Variants in KCNAB1 observed in about 807,000 individuals in gnomAD.
The protein encoded by KCNAB1 is potassium voltage-gated channel subfamily A regulatory beta subunit 1.
KCNAB1 carries 35 observed loss-of-function variants against 64.6 expected under a neutral mutation model. The ratio of observed to expected loss-of-function variants is 0.54; its 90% confidence interval spans 0.41 to 0.72. The LOEUF is 0.72. Ranked by LOEUF, KCNAB1 falls within the 30% of genes least tolerant of loss-of-function variation. The pLI is 0.00. For synonymous variants in KCNAB1, 177 were observed against 183.8 expected (o/e 0.96, Z 0.30); for missense variants, 401 against 512.9 (o/e 0.78, Z 2.11).
At chr3:156,288,547 C>G (rs973441109) in intron 1 of KCNAB1, among the ~76,000 whole-genome samples, 1 of 152,180 alleles carries the variant, frequency 6.6e-6, no homozygotes, top group African/African-American at 2.4e-5. Context: ...CAAGTGTTAT[C>G]TAATTTCTGG....
At chr3:156,165,657 A>G (rs1245906924) in intron 1 of KCNAB1, among the ~76,000 whole-genome samples, 3 of 152,222 alleles carry the variant, frequency 2.0e-5, no homozygotes, top group African/African-American at 4.8e-5. Context: ...GATCTTTTAT[A>G]TTACATTTGC....
intron 1 of KCNAB1, among the ~76,000 whole-genome samples, chr3:156,321,723 C>T (rs1722674936): frequency 6.6e-6 from 1 of 151,866 alleles, no homozygotes; most frequent in African/African-American, 2.4e-5. Flanking sequence ...TTTTGGGTCT[C>T]ACTCTATTTG....
At chr3:156,328,938 A>G (rs1723156794) in intron 1 of KCNAB1, among the ~76,000 whole-genome samples, 2 of 152,150 alleles carry the variant, frequency 1.3e-5, no homozygotes, top group South Asian at 2.1e-4. Context: ...AACTTATTAT[A>G]GTATATCTAG....
At chr3:156,518,445 C>T (rs550915835) in intron 11 of KCNAB1, among the ~76,000 whole-genome samples, 7 of 131,034 alleles carry the variant, frequency 5.3e-5, no homozygotes, top group African/African-American at 2.6e-4. Context: ...AATGAGGATG[C>T]CATGAAAGAG....
intron 7 of KCNAB1, among the ~76,000 whole-genome samples, 165 bp downstream of exon 7, chr3:156,465,851 T>C (rs530641415): frequency 6.6e-6 from 1 of 152,248 alleles, no homozygotes; most frequent in East Asian, 1.9e-4. Flanking sequence ...AATGCAGAGA[T>C]GTAGAGGGGA....
chr3:156,504,115 G>A (rs1351848140), intron 8 of KCNAB1, among the ~76,000 whole-genome samples: 1 of 152,076 alleles, frequency 6.6e-6, no homozygotes, highest in African/African-American at 2.4e-5. Flanking sequence ...CTGCTTCTAT[G>A]AGATCAACTG....
intron 1 of KCNAB1, among the ~76,000 whole-genome samples, chr3:156,297,547 C>T (rs1301767942): frequency 6.6e-6 from 1 of 152,096 alleles, no homozygotes; most frequent in Non-Finnish European, 1.5e-5. Flanking sequence ...ATGGCACTCT[C>T]TACTTTCCTA....
chr3:156,368,356 C>T (rs1038019261), intron 1 of KCNAB1, among the ~76,000 whole-genome samples: 3 of 152,136 alleles, frequency 2.0e-5, no homozygotes, highest in African/African-American at 4.8e-5. Flanking sequence ...ACCTGGTGAT[C>T]CGTTCAAAGG....
intron 1 of KCNAB1, among the ~76,000 whole-genome samples, chr3:156,413,194 G>T (rs1175567011): frequency 6.6e-6 from 1 of 152,168 alleles, no homozygotes; most frequent in Non-Finnish European, 1.5e-5. Context: ...GGGATAGAAG[G>T]CATCCTGCTA....
chr3:156,529,600 C>T (rs1258997357), intron 12 of KCNAB1, among the ~76,000 whole-genome samples: 5 of 152,050 alleles, frequency 3.3e-5, no homozygotes, highest in African/African-American at 9.7e-5. Context: ...AGAAACTCAG[C>T]GGGTGAGCCA....
At chr3:156,238,590 A>G (rs982383413) in intron 1 of KCNAB1, among the ~76,000 whole-genome samples, 2 of 152,246 alleles carry the variant, frequency 1.3e-5, no homozygotes, top group African/African-American at 4.8e-5. Context: ...CAATTAGCTC[A>G]GAGCTTTTAG....
At chr3:156,455,454 G>C (rs1712332986) in intron 3 of KCNAB1, among the ~76,000 whole-genome samples, 1 of 152,120 alleles carries the variant, frequency 6.6e-6, no homozygotes, top group Non-Finnish European at 1.5e-5. Flanking sequence ...AGATGATTTG[G>C]CTTCATCAAA....
At chr3:156,327,945 C>G (rs1231007856) in intron 1 of KCNAB1, among the ~76,000 whole-genome samples, 1 of 152,080 alleles carries the variant, frequency 6.6e-6, no homozygotes, top group East Asian at 1.9e-4. Context: ...TAGCTCTTAA[C>G]TTTGCCTGTG....
At chr3:156,304,765 C>T (rs1057425423) in intron 1 of KCNAB1, among the ~76,000 whole-genome samples, 19 of 152,190 alleles carry the variant, frequency 1.2e-4, no homozygotes, top group African/African-American at 3.4e-4. Flanking sequence ...GCAGCCATTG[C>T]GGTTTTTTGT....
At chr3:156,430,827 C>G (rs1054653231) in intron 2 of KCNAB1, among the ~76,000 whole-genome samples, 1 of 152,144 alleles carries the variant, frequency 6.6e-6, no homozygotes, top group African/African-American at 2.4e-5. Context: ...GGGCCCCTTG[C>G]GTCTCTCACA....
chr3:156,252,536 G>A (rs1165329004), intron 1 of KCNAB1, among the ~76,000 whole-genome samples: 1 of 152,180 alleles, frequency 6.6e-6, no homozygotes, highest in African/African-American at 2.4e-5. Flanking sequence ...TATTAATATG[G>A]TATGCAATAT....
intron 1 of KCNAB1, among the ~76,000 whole-genome samples, chr3:156,325,291 A>G (rs1009166365): frequency 1.3e-5 from 2 of 152,176 alleles, no homozygotes; most frequent in African/African-American, 4.8e-5. Flanking sequence ...TTTGCAGTAC[A>G]GTCATAATTA....
At chr3:156,494,684 C>T (rs758039680) in intron 8 of KCNAB1, among the ~76,000 whole-genome samples, 1 of 152,094 alleles carries the variant, frequency 6.6e-6, no homozygotes, top group Non-Finnish European at 1.5e-5. Flanking sequence ...GCCTTGTAGT[C>T]ACACACACTG....
chr3:156,321,031 A>G lies in KCNAB1; in HGVS notation c.276-100585A>G, dbSNP rs79762668. 9.1e-3 allele frequency among the ~76,000 whole-genome samples: 1,381 copies of G among 152,012 alleles called. 22 individuals are homozygous for G. Among genetic ancestry groups the G allele is most frequent in the African/African-American group, 0.032 (1,343 of 41,422 alleles). On this transcript the variant is annotated intron_variant, in intron 1 of 13. Transcript: ENST00000490337. The stretch of plus-strand genomic sequence containing the variant: ...AACAAACAGACAAAACTCCAATATT[A>G]TTTGCTAATATTAATAGCAGAATAG...
Sources: gnomAD v4.1 joint callset for allele counts (sites outside exome capture counted in the v4.1 genomes callset) on GRCh38, gnomAD v4.1.1 for gene constraint, MANE v1.5 for transcripts, NCBI Gene and HGNC (gene_info 2026-07-23, HGNC 2026-07-21) for gene names.